WWOX: variants seen among roughly 807,000 people sequenced by gnomAD.
WWOX encodes the protein WW domain-containing oxidoreductase.
WWOX carries 69 observed loss-of-function variants against 46.2 expected under a neutral mutation model. The observed-to-expected ratio is 1.49, with a 90% CI of 1.23 to 1.82. The LOEUF (loss-of-function observed/expected upper bound fraction) is 1.82, where lower values mean the gene tolerates loss of function less well. Ranked by LOEUF, WWOX falls within the 40% of genes most tolerant of loss-of-function variation. WWOX has a pLI of 0.00. For synonymous variants in WWOX, 359 were observed against 202.6 expected, an observed-to-expected ratio of 1.77 and a Z score of -6.56; for missense variants, 919 against 542.6, an observed-to-expected ratio of 1.69 and a Z score of -6.89.
At chr16:78,268,705 C>A (rs2079416911) in intron 5 of WWOX, among the ~76,000 whole-genome samples, 1 of 152,098 alleles carries the variant, frequency 6.6e-6, no homozygotes, top group Non-Finnish European at 1.5e-5. Context: ...CCCAAACTGG[C>A]CAGGTAGAAA....
At chr16:78,937,647 C>G (rs1024492379) in intron 8 of WWOX, among the ~76,000 whole-genome samples, 13 of 147,162 alleles carry the variant, frequency 8.8e-5, no homozygotes, top group African/African-American at 3.1e-4. Flanking sequence ...ATTTATGAGA[C>G]AAGGTCTCAC....
At chr16:78,458,555 C>G (rs2083881335) in intron 8 of WWOX, among the ~76,000 whole-genome samples, 1 of 152,128 alleles carries the variant, frequency 6.6e-6, no homozygotes, top group African/African-American at 2.4e-5. Flanking sequence ...GCCACCATGT[C>G]AGGCCATTGG....
At position 78,318,215 on chromosome 16, in the gene WWOX, C is replaced by T. The variant is rs148026371; in HGVS notation, c.517-68645C>T. Among the ~76,000 whole-genome samples, 9 of 151,254 alleles carry T rather than the reference C, an allele frequency of 6.0e-5. No homozygotes were observed. In the East Asian group the frequency reaches 1.8e-3, roughly 29 times the overall value. ...GGGGCAGAGGACCATAATTAAATGG[C>T]TGTGGAAACCCAGAAGCAGCCTACA... is the stretch of plus-strand genomic sequence containing the variant. On this transcript the variant is annotated intron_variant, in intron 5 of 8. Transcript: ENST00000566780.
chr16:78,792,719 C>G (rs1210473094), intron 8 of WWOX, among the ~76,000 whole-genome samples: 1 of 152,112 alleles, frequency 6.6e-6, no homozygotes, highest in Non-Finnish European at 1.5e-5. Flanking sequence ...GGCATCTCAC[C>G]TGTAGAAATC....
chr16:79,058,942 G>C (rs1164932043), intron 8 of WWOX, among the ~76,000 whole-genome samples: 1 of 152,164 alleles, frequency 6.6e-6, no homozygotes, highest in Non-Finnish European at 1.5e-5. Context: ...ATAGAGATCA[G>C]TAAAGGTAAC....
chr16:78,318,559 T>G (rs2080400734), intron 5 of WWOX, among the ~76,000 whole-genome samples: 1 of 152,206 alleles, frequency 6.6e-6, no homozygotes. Context: ...ACACAGTACT[T>G]GGATTCCAGT....
chr16:78,737,210 C>T (rs890276547), intron 8 of WWOX, among the ~76,000 whole-genome samples: 6 of 151,962 alleles, frequency 3.9e-5, no homozygotes, highest in Non-Finnish European at 5.9e-5. Context: ...AGCTATTTTC[C>T]TGCCTCAGCC....
At chr16:79,010,211 G>T (rs1342721594) in intron 8 of WWOX, among the ~76,000 whole-genome samples, 1 of 152,168 alleles carries the variant, frequency 6.6e-6, no homozygotes, top group Non-Finnish European at 1.5e-5. Flanking sequence ...TTTCACAAAT[G>T]CTTACCGAGC....
chr16:78,922,071 TCAGA>T (rs1285472038), intron 8 of WWOX, among the ~76,000 whole-genome samples: 1 of 152,178 alleles, frequency 6.6e-6, no homozygotes, highest in Non-Finnish European at 1.5e-5. Flanking sequence ...TGGAATATTG[TCAGA>T]CAGAGAAACT....
At position 78,350,374 on chromosome 16, in the gene WWOX, CCA is replaced by C. The variant is rs1158461126; in HGVS notation, c.517-36483_517-36482del. ...TATTCAGAGAGTTTTGCAGCTGTCA[CCA>C]CAGTCAAGTTTAGAATATTTTCATT... On this transcript the variant is annotated intron_variant, in intron 5 of 8. Transcript: ENST00000566780. 8.2e-5 allele frequency among the ~76,000 whole-genome samples: 10 copies of C among 121,456 alleles called. 3 individuals are homozygous for C. The highest frequency in any genetic ancestry group is 1.6e-4 in the Non-Finnish European group (8 of 50,790). The allele number at this position is 121,456 out of a possible 152,430, so 79.7% of individuals were successfully genotyped here. A position where few individuals can be genotyped will look rare whatever the true frequency, so the allele number is the denominator to read the frequency against.
intron 8 of WWOX, among the ~76,000 whole-genome samples, chr16:78,805,564 TG>T (rs112248930): frequency 0.036 from 5,486 of 152,296 alleles, 339 homozygotes; most frequent in African/African-American, 0.13. Flanking sequence ...ATTACAGGCG[TG>T]AGCTGACGCT....
chr16:79,074,986 A>T (rs2048627563), intron 8 of WWOX, among the ~76,000 whole-genome samples: 1 of 152,202 alleles, frequency 6.6e-6, no homozygotes, highest in South Asian at 2.1e-4. Context: ...CTCAACTTCT[A>T]CACATTCGAC....
At chr16:78,809,974 C>G (rs1280777365) in intron 8 of WWOX, among the ~76,000 whole-genome samples, 1 of 152,170 alleles carries the variant, frequency 6.6e-6, no homozygotes, top group African/African-American at 2.4e-5. Context: ...GTTCATCTGG[C>G]AAATCTCAGC....
At chr16:78,335,862 C>T (rs113501495) in intron 5 of WWOX, among the ~76,000 whole-genome samples, 1,637 of 152,180 alleles carry the variant, frequency 0.011, 36 homozygotes, top group African/African-American at 0.038. Flanking sequence ...GAGGCCGAGG[C>T]GGGTGGATCG....
chr16:79,130,838 G>A (rs183823832), intron 8 of WWOX, among the ~76,000 whole-genome samples: 59 of 152,252 alleles, frequency 3.9e-4, no homozygotes, highest in Non-Finnish European at 6.6e-4. Context: ...CATGTTCTCC[G>A]CACAGTGCGG....
At chr16:78,804,440 GAATT>G (rs2050975442) in intron 8 of WWOX, among the ~76,000 whole-genome samples, 1 of 151,696 alleles carries the variant, frequency 6.6e-6, no homozygotes, top group Non-Finnish European at 1.5e-5. Flanking sequence ...AAGAAAGAAA[GAATT>G]GAAATGATGA....
At chr16:78,702,992 C>A (rs550884848) in intron 8 of WWOX, among the ~76,000 whole-genome samples, 1 of 152,130 alleles carries the variant, frequency 6.6e-6, no homozygotes, top group Non-Finnish European at 1.5e-5. Flanking sequence ...GATAACTCTC[C>A]GCTCCCTTTC....
chr16:78,722,698 GTTTTTTTTTTT>G lies in WWOX; in HGVS notation c.1056+289959_1056+289969del, dbSNP rs56266240. Among the ~76,000 whole-genome samples the G allele has an allele frequency of 6.5e-4, 76 of 116,308 alleles. 1 individual carries two copies. Among genetic ancestry groups the G allele is most frequent in the Admixed American group, 3.1e-3 (35 of 11,124 alleles). The allele number at this position is 116,308 out of a possible 152,430, so 76.3% of individuals were successfully genotyped here. ...TTTAAAGGAACTGTAGTTTGTCTCT[GTTTTTTTTTTT>G]TTTTTTTTTTTTCCTCTAAATAAAC... is the stretch of plus-strand genomic sequence containing the variant. On this transcript the variant is annotated intron_variant, in intron 8 of 8. Coordinates refer to ENST00000566780, the MANE Select transcript of WWOX (RefSeq NM_016373.4).
chr16:78,489,108 C>T (rs938985921), intron 8 of WWOX, among the ~76,000 whole-genome samples: 1 of 152,118 alleles, frequency 6.6e-6, no homozygotes, highest in Admixed American at 6.5e-5. Flanking sequence ...ATGCTTGTTA[C>T]TAGCAGATCA....
Sources: allele counts gnomAD v4.1 joint callset (sites outside exome capture counted in the v4.1 genomes callset), GRCh38; gene constraint gnomAD v4.1.1; transcripts MANE v1.5; gene names NCBI Gene and HGNC (gene_info 2026-07-23, HGNC 2026-07-21).